The following TBL1Y variants were observed in gnomAD, a reference collection of about 807,000 sequenced individuals.
TBL1Y encodes the protein transducin beta like 1 Y-linked.
Under a neutral mutation model 12.0 loss-of-function variants are expected in TBL1Y, and 15 were observed. The ratio of observed to expected loss-of-function variants is 1.25; its 90% CI spans 0.83 to 1.92. TBL1Y has a LOEUF of 1.92. Among genes scored for constraint, TBL1Y ranks in the 40% most tolerant of loss-of-function variants. The pLI, the probability that TBL1Y is intolerant of heterozygous loss-of-function variation, is 0.00. For synonymous variants in TBL1Y, 53 were observed against 42.6 expected (o/e 1.24, Z -0.95); for missense variants, 148 against 116.7 (o/e 1.27, Z -1.24).
chrY:7,046,375 A>G, intron 7 of TBL1Y, among the ~76,000 whole-genome samples: 3 of 33,657 alleles, frequency 8.9e-5, no homozygotes, highest in East Asian at 7.7e-4. Flanking sequence ...CCGTTCATCA[A>G]TCTCCTACCA....
At chrY:7,051,565 C>T in intron 7 of TBL1Y, among the ~76,000 whole-genome samples, 1 of 34,162 alleles carries the variant, frequency 2.9e-5, no homozygotes, top group Admixed American at 2.7e-4. Flanking sequence ...TGATTACTTA[C>T]TACATTGTTT....
At chrY:6,999,899 C>G in intron 4 of TBL1Y, among the ~76,000 whole-genome samples, 1 of 27,701 alleles carries the variant, frequency 3.6e-5, no homozygotes, top group Non-Finnish European at 8.4e-5. Flanking sequence ...AATCATTTTC[C>G]TGGCCAATTC....
intron 2 of TBL1Y, among the ~76,000 whole-genome samples, chrY:6,976,620 G>A (rs781522689): frequency 3.0e-4 from 10 of 33,578 alleles, no homozygotes; most frequent in Admixed American, 2.7e-3. Context: ...TTGCAAACTA[G>A]TTCTGTCACC....
chrY:6,971,024 T>C (rs756978014), intron 2 of TBL1Y, among the ~76,000 whole-genome samples: 92 of 34,093 alleles, frequency 2.7e-3, no homozygotes, highest in African/African-American at 9.8e-3. Flanking sequence ...TTGGGCACAC[T>C]AGCCTGAGGT....
chrY:6,931,678 A>C (rs756849982), intron 2 of TBL1Y, among the ~76,000 whole-genome samples: 8 of 34,059 alleles, frequency 2.3e-4, no homozygotes, highest in Non-Finnish European at 5.1e-4. Flanking sequence ...TTTTTATCTC[A>C]GTCAGCACTG....
chrY:7,085,068 C>T, intron 14 of TBL1Y, among the ~76,000 whole-genome samples: 1 of 31,097 alleles, frequency 3.2e-5, no homozygotes, highest in Non-Finnish European at 7.7e-5. Context: ...TAACACATGC[C>T]TGTAATCCCA....
At chrY:7,064,437 A>C in intron 8 of TBL1Y, among the ~76,000 whole-genome samples, 2 of 33,412 alleles carry the variant, frequency 6.0e-5, no homozygotes, top group Admixed American at 5.4e-4. Context: ...CATAAACAAA[A>C]GTGTTTAATT....
intron 3 of TBL1Y, among the ~76,000 whole-genome samples, chrY:6,986,948 C>T: frequency 3.0e-5 from 1 of 33,175 alleles, no homozygotes; most frequent in South Asian, 7.0e-4. Flanking sequence ...CACAGTTGGG[C>T]GAAATCATCC....
chrY:7,078,985 C>T, intron 13 of TBL1Y, among the ~76,000 whole-genome samples: 1 of 33,521 alleles, frequency 3.0e-5, no homozygotes, highest in African/African-American at 1.2e-4. Context: ...ATCCCTGCTG[C>T]CAGTGAGCAT....
At chrY:6,963,043 T>C (rs755860547) in intron 2 of TBL1Y, among the ~76,000 whole-genome samples, 1 of 33,377 alleles carries the variant, frequency 3.0e-5, no homozygotes, top group African/African-American at 1.2e-4. Flanking sequence ...AGTGGGGCTG[T>C]ATAGGAAGAC....
intron 7 of TBL1Y, among the ~76,000 whole-genome samples, chrY:7,047,393 C>G (rs761914271): frequency 1.5e-4 from 5 of 33,576 alleles, no homozygotes; most frequent in African/African-American, 5.8e-4. Flanking sequence ...ACCAAATGTA[C>G]CTGAAGAATT....
chrY:6,971,372 A>C, intron 2 of TBL1Y, among the ~76,000 whole-genome samples: 2 of 32,550 alleles, frequency 6.1e-5, no homozygotes, highest in Admixed American at 5.7e-4. Context: ...TTTTAAATGG[A>C]ATTAGTGGGC....
At chrY:6,999,257 C>T in intron 4 of TBL1Y, among the ~76,000 whole-genome samples, 1 of 33,304 alleles carries the variant, frequency 3.0e-5, no homozygotes, top group East Asian at 8.0e-4. Flanking sequence ...CTTTGAGATT[C>T]GCTTGTAGCC....
At chrY:7,076,220 C>G in intron 13 of TBL1Y, among the ~76,000 whole-genome samples, 1 of 33,262 alleles carries the variant, frequency 3.0e-5, no homozygotes, top group African/African-American at 1.2e-4. Flanking sequence ...TGAGGTACCG[C>G]ACATGGCCAA....
Position 7,063,815 on chromosome Y carries a change from C to T in TBL1Y, c.205-82C>T, listed in dbSNP as rs9786225. The T allele has an allele frequency of 0.069, 24,572 of 357,622 alleles. No individual in the cohort carries two copies. The African/African-American group carries it at 0.71, about 10-fold the overall frequency. The allele number at this position is 357,622 out of a possible 400,897, so 89.2% of individuals were successfully genotyped here. On this transcript the variant is annotated intron_variant, in intron 7 of 18. Transcript: ENST00000383032. ...CTATTTATGCTCCACTTCCCCGTGC[C>T]TCTCCTGCCCAGAGAGTAGAGACCA...
chrY:7,025,347 A>G (rs2124153158), intron 6 of TBL1Y, among the ~76,000 whole-genome samples: 2 of 33,719 alleles, frequency 5.9e-5, no homozygotes, highest in South Asian at 1.3e-3. Flanking sequence ...TTATCTCTAC[A>G]TGTTTACTAC....
intron 4 of TBL1Y, among the ~76,000 whole-genome samples, chrY:7,004,704 A>T (rs2012475283): frequency 5.9e-5 from 2 of 33,819 alleles, no homozygotes; most frequent in Non-Finnish European, 1.5e-4. Flanking sequence ...TGTCTGTTTG[A>T]GTCTCTTGTC....
rs199841618 is a variant in TBL1Y, at chrY:7,055,969, G to A, written c.205-7928G>A. Among the ~76,000 whole-genome samples, 29 of 33,337 alleles carry A rather than the reference G, an allele frequency of 8.7e-4. No individual in the cohort carries two copies. The East Asian group carries it at 0.021, about 24-fold the overall frequency. The allele number at this position is 33,337 out of a possible 37,273, so 89.4% of individuals were successfully genotyped here. A position where few individuals can be genotyped will look rare whatever the true frequency, so the allele number is the denominator to read the frequency against. On this transcript the variant is annotated intron_variant, in intron 7 of 18. Transcript: ENST00000383032. The stretch of plus-strand genomic sequence containing the variant: ...CTTGTTTCTGAGGTTGTTCAAGTTC[G>A]GGGAGTATAAAAACGTCTTTGCATG...
intron 2 of TBL1Y, among the ~76,000 whole-genome samples, chrY:6,959,102 T>C (rs1603030034): frequency 6.0e-5 from 2 of 33,605 alleles, no homozygotes; most frequent in East Asian, 8.0e-4. Context: ...TGCGGCTTTC[T>C]GCAGTGCATT....
Sources: gnomAD v4.1 joint callset for allele counts (sites outside exome capture counted in the v4.1 genomes callset) on GRCh38, gnomAD v4.1.1 for gene constraint, MANE v1.5 for transcripts, NCBI Gene and HGNC (gene_info 2026-07-23, HGNC 2026-07-21) for gene names.